The following PRMT7 variants were observed in gnomAD, a reference collection of about 807,000 sequenced individuals.
PRMT7 encodes protein arginine N-methyltransferase 7.
In PRMT7, 75 loss-of-function variants were observed where a neutral mutation model predicts 85.4. The observed-to-expected ratio is 0.88, with a 90% CI of 0.73 to 1.06. The LOEUF is 1.06. PRMT7 is among the 50% of genes least tolerant of loss of function. PRMT7 has a pLI of 0.00. For synonymous variants in PRMT7, 397 were observed against 359.5 expected (o/e 1.10, Z -1.18); for missense variants, 868 against 915.2 (o/e 0.95, Z 0.67).
intron 5 of PRMT7, 21 bp from the exon 6 acceptor site, chr16:68,329,045 G>A (rs747075157): frequency 3.3e-6 from 5 of 1,535,654 alleles, no homozygotes; most frequent in Non-Finnish European, 4.5e-6. Flanking sequence ...TTTTTCCTTG[G>A]GTTTCGGCTC....
At chr16:68,347,754 GC>G in intron 13 of PRMT7, 76 bp downstream of exon 13, 1 of 1,393,380 alleles carries the variant, frequency 7.2e-7, no homozygotes, top group Non-Finnish European at 1.0e-6. Context: ...AGTGGCATTG[GC>G]CCCAGGGGAA....
At chr16:68,346,579 C>CCCT (rs3068647) in intron 11 of PRMT7, among the ~76,000 whole-genome samples, 118,869 of 151,506 alleles carry the variant, frequency 0.78, 47,414 homozygotes, top group African/African-American at 0.94. Context: ...TTAGGCCACC[C>CCCT]CCTCTTTTCA....
chr16:68,332,735 CTGTT>C (rs764942873), intron 6 of PRMT7, among the ~76,000 whole-genome samples: 4 of 152,176 alleles, frequency 2.6e-5, no homozygotes, highest in African/African-American at 7.2e-5. Context: ...CGTTTCCTGT[CTGTT>C]TAACTCAGCA....
At chr16:68,330,639 G>T (rs2083733449) in intron 6 of PRMT7, among the ~76,000 whole-genome samples, 1 of 152,116 alleles carries the variant, frequency 6.6e-6, no homozygotes, top group African/African-American at 2.4e-5. Context: ...CTGTTGCCCA[G>T]GCTGGAGTGC....
At chr16:68,321,385 A>T (rs566743188) in intron 3 of PRMT7, 41 bp from the exon 4 acceptor site, 2 of 1,513,800 alleles carry the variant, frequency 1.3e-6, no homozygotes, top group Admixed American at 3.4e-5. Flanking sequence ...TTGTGTGTTG[A>T]TGTGTATCAT....
intron 1 of PRMT7, chr16:68,311,744 G>A (rs911821885): frequency 6.0e-5 from 9 of 149,500 alleles, no homozygotes; most frequent in African/African-American, 2.2e-4. Context: ...GGGAAAGTTG[G>A]GGTAAGGATT....
chr16:68,315,867 ATACCTC>A, intron 2 of PRMT7, 24 bp from the exon 3 acceptor site: 1 of 859,802 alleles, frequency 1.2e-6, no homozygotes, highest in Non-Finnish European at 1.9e-6. Flanking sequence ...GTTTGTTTAT[ATACCTC>A]CTGTTTCCTT....
At chr16:68,322,549 A>G (rs1318399856) in intron 4 of PRMT7, 3 of 234,294 alleles carry the variant, frequency 1.3e-5, no homozygotes, top group Non-Finnish European at 2.8e-5. Flanking sequence ...TAGGGTTATG[A>G]ACATAGGTGT....
chr16:68,319,702 A>AAG (rs2082261320), intron 3 of PRMT7, among the ~76,000 whole-genome samples: 1 of 59,288 alleles, frequency 1.7e-5, no homozygotes, highest in African/African-American at 8.6e-5. Flanking sequence ...CCTTCTCAAT[A>AAG]AGAGTGAGAG....
chr16:68,358,658 T>C (rs894709679), downstream of PRMT7: 1 of 152,600 alleles, frequency 6.6e-6, no homozygotes, highest in Non-Finnish European at 1.5e-5. Context: ...CTTAAGGTGG[T>C]TTTGGACAAA....
Position 68,357,289 on chromosome 16 carries a change from G to A in PRMT7, c.*65G>A. 1 of 1,497,514 alleles carries A rather than the reference G, an allele frequency of 6.7e-7. No individual in the cohort carries two copies. Among genetic ancestry groups the A allele is most frequent in the Admixed American group, 2.1e-5 (1 of 47,780 alleles). The allele number at this position is 1,497,514 out of a possible 1,614,324, so 92.8% of individuals were successfully genotyped here. On this transcript the variant is annotated 3_prime_UTR_variant, in exon 19 of 19. Transcript: ENST00000441236. ...TGAGTGGCTCATGGCTTTCTAGCGG[G>A]GAAGGCTGAAGGCCCTCCTCTCCTC...
At position 68,352,380 on chromosome 16, in the gene PRMT7, T is replaced by G; in HGVS notation, c.1546T>G (p.Ser516Ala). 6.2e-7 allele frequency: 1 copy of G among 1,608,000 alleles called. No homozygotes were observed. The highest frequency in any genetic ancestry group is 8.5e-7 in the Non-Finnish European group (1 of 1,179,740). ...TGCCATGGTGATGCCCCAGGCAGCC[T>G]CGCTGCACGCTGTGGTTGTGGAGTT... ...PGAMVMPQAA[S>A]LHAVVVEFRD... is the part of the protein sequence containing the mutation. The change falls in exon 15 of 19, where the codon TCG (serine) becomes GCG (alanine). Residue 516 changes from serine to alanine, a missense_variant. Physicochemically the swap from Ser to Ala is moderately conservative, Grantham distance 99. Transcript: ENST00000441236.
chr16:68,333,442 T>TTGCACTTC (rs1285528743), intron 6 of PRMT7, among the ~76,000 whole-genome samples: 2 of 151,382 alleles, frequency 1.3e-5, no homozygotes, highest in Non-Finnish European at 2.9e-5. Context: ...GATTGCGCTA[T>TTGCACTTC]TGCACTTCAG....
rs988259687 is a variant in PRMT7, at chr16:68,342,082, A to C, written c.927+2114A>C. Among the ~76,000 whole-genome samples, 7 of 152,172 alleles carry C rather than the reference A, an allele frequency of 4.6e-5. 1 individual carries two copies. The highest frequency in any genetic ancestry group is 1.5e-5 in the Non-Finnish European group (1 of 68,032). ...CATTTGAGGTCAGGAGTTCGAGACC[A>C]GCCTGGCCAACATGGAGAAACCCCA... On this transcript the variant is annotated intron_variant, in intron 9 of 18. Coordinates refer to ENST00000441236, the MANE Select transcript of PRMT7 (RefSeq NM_019023.5).
chr16:68,354,211 C>T (rs1308335019), intron 16 of PRMT7: 1 of 152,212 alleles, frequency 6.6e-6, no homozygotes, highest in Non-Finnish European at 1.5e-5. Context: ...GACCCTGTCT[C>T]GACAAAAAAT....
In PRMT7 at chr16:68,315,919, C is replaced by A; in HGVS notation, c.-61C>A. 1 of 1,389,974 alleles carries A rather than the reference C, an allele frequency of 7.2e-7. No individual in the cohort carries two copies. The highest frequency in any genetic ancestry group is 1.0e-6 in the Non-Finnish European group (1 of 980,544). 86.1% of individuals were successfully genotyped at this position (1,389,974 alleles called of 1,614,324 possible). A position where few individuals can be genotyped will look rare whatever the true frequency, so the allele number is the denominator to read the frequency against. On this transcript the variant is annotated 5_prime_UTR_variant, in exon 3 of 19. Transcript: ENST00000441236. Reference sequence around the variant, plus strand: ...TAGATTTCTGACAGTCAGACTTGTCCACAAGAACTCAACTGGCAAGGCTGC... The same window carrying A: ...TAGATTTCTGACAGTCAGACTTGTCAACAAGAACTCAACTGGCAAGGCTGC...
intron 3 of PRMT7, among the ~76,000 whole-genome samples, chr16:68,317,204 C>CTCCTTGGTTA (rs1298885695): frequency 6.9e-6 from 1 of 145,638 alleles, no homozygotes; most frequent in African/African-American, 2.6e-5. Flanking sequence ...TGCCACTGCA[C>CTCCTTGGTTA]TCCAGCCTGG....
At chr16:68,321,711 A>G (rs2082520301) in intron 4 of PRMT7, 2 of 410,464 alleles carry the variant, frequency 4.9e-6, no homozygotes, top group Non-Finnish European at 8.8e-6. Flanking sequence ...AATGTGATGA[A>G]TATATGTGTA....
intron 6 of PRMT7, among the ~76,000 whole-genome samples, chr16:68,336,369 A>G (rs142888537): frequency 1.1e-4 from 17 of 152,206 alleles, no homozygotes; most frequent in African/African-American, 4.1e-4. Flanking sequence ...AACAACTGTT[A>G]TTTAAGAGAT....
Sources: allele counts gnomAD v4.1 joint callset (sites outside exome capture counted in the v4.1 genomes callset), GRCh38; gene constraint gnomAD v4.1.1; transcripts MANE v1.5; gene names NCBI Gene and HGNC (gene_info 2026-07-23, HGNC 2026-07-21).